KCNH1: variants seen among roughly 807,000 people sequenced by gnomAD.
KCNH1 encodes the protein voltage-gated delayed rectifier potassium channel KCNH1.
In KCNH1, 27 loss-of-function variants were observed where a neutral mutation model predicts 69.2. The observed-to-expected ratio is 0.39, with a 90% CI of 0.29 to 0.54. KCNH1 has a LOEUF of 0.54. KCNH1 is among the 20% of genes least tolerant of loss of function. The pLI, the probability that KCNH1 is intolerant of heterozygous loss-of-function variation, is 0.68. For synonymous variants in KCNH1, 456 were observed against 487.7 expected (o/e 0.93, Z 0.86); for missense variants, 798 against 1,261.6 (o/e 0.63, Z 5.57).
chr1:210,825,124 C>G (rs1685008900), intron 7 of KCNH1, among the ~76,000 whole-genome samples: 1 of 152,164 alleles, frequency 6.6e-6, no homozygotes, highest in Non-Finnish European at 1.5e-5. Context: ...TCACCTCATT[C>G]ATTTTCAAGA....
chr1:210,869,304 C>T (rs1686183335), intron 7 of KCNH1, among the ~76,000 whole-genome samples: 1 of 151,960 alleles, frequency 6.6e-6, no homozygotes, highest in Non-Finnish European at 1.5e-5. Flanking sequence ...TTATAATTTT[C>T]ATAAAATATG....
At chr1:210,741,849 T>C (rs1934631) in intron 10 of KCNH1, among the ~76,000 whole-genome samples, 144,763 of 152,280 alleles carry the variant, frequency 0.95, 68,923 homozygotes, top group East Asian at 1. Flanking sequence ...TTGACATCAG[T>C]GTGGGGATAT....
chr1:210,778,356 C>T (rs1683901898), intron 9 of KCNH1, among the ~76,000 whole-genome samples: 1 of 151,982 alleles, frequency 6.6e-6, no homozygotes, highest in South Asian at 2.1e-4. Flanking sequence ...GAGACCTTGC[C>T]TCTGCAAAAA....
chr1:210,832,921 T>TATATATATATATATATATATAC (rs10693882), intron 7 of KCNH1, among the ~76,000 whole-genome samples: 1 of 144,226 alleles, frequency 6.9e-6, no homozygotes, highest in Non-Finnish European at 1.5e-5. Flanking sequence ...TATATATATA[T>TATATATATATATATATATATAC]ACATATAAAT....
chr1:210,971,297 A>G (rs1481975015), intron 6 of KCNH1, among the ~76,000 whole-genome samples: 1 of 152,136 alleles, frequency 6.6e-6, no homozygotes, highest in Non-Finnish European at 1.5e-5. Context: ...ATATGTCTAA[A>G]TATTTTCTAA....
chr1:210,801,486 T>C (rs1159210718), intron 8 of KCNH1, among the ~76,000 whole-genome samples: 5 of 152,220 alleles, frequency 3.3e-5, no homozygotes, highest in African/African-American at 1.2e-4. Flanking sequence ...CTCTTCCATC[T>C]GGACCAGCAC....
chr1:211,102,334 T>C (rs764597260), intron 3 of KCNH1, among the ~76,000 whole-genome samples: 4 of 152,226 alleles, frequency 2.6e-5, no homozygotes, highest in Non-Finnish European at 5.9e-5. Context: ...GGTATGCTTC[T>C]GGTACGAGCT....
At chr1:210,846,362 G>T (rs1685547984) in intron 7 of KCNH1, among the ~76,000 whole-genome samples, 1 of 152,116 alleles carries the variant, frequency 6.6e-6, no homozygotes. Context: ...AAACAGCATG[G>T]TACTGGTACC....
intron 6 of KCNH1, among the ~76,000 whole-genome samples, chr1:210,969,570 C>T (rs1405576210): frequency 6.6e-6 from 1 of 151,944 alleles, no homozygotes; most frequent in East Asian, 1.9e-4. Context: ...GCTCTAAATG[C>T]TTAATTTTCT....
chr1:210,809,126 T>C (rs1206297976), intron 7 of KCNH1, among the ~76,000 whole-genome samples: 2 of 152,042 alleles, frequency 1.3e-5, no homozygotes, highest in Admixed American at 1.3e-4. Context: ...AAAGATAGTA[T>C]TCTCCAGCCC....
At chr1:211,070,431 AC>A (rs750324151) in intron 5 of KCNH1, among the ~76,000 whole-genome samples, 985 of 79,712 alleles carry the variant, frequency 0.012, 32 homozygotes, top group Admixed American at 0.094. Flanking sequence ...AAAAAAAAAA[AC>A]ACACACACAC....
chr1:210,988,026 C>T (rs1391592142), intron 6 of KCNH1, among the ~76,000 whole-genome samples: 1 of 152,212 alleles, frequency 6.6e-6, no homozygotes, highest in Non-Finnish European at 1.5e-5. Flanking sequence ...GCAGTTTGAT[C>T]TCAGACTGCT....
chr1:210,889,814 TA>T (rs1458706102), intron 7 of KCNH1, among the ~76,000 whole-genome samples: 1 of 151,956 alleles, frequency 6.6e-6, no homozygotes, highest in African/African-American at 2.4e-5. Context: ...GAGAATAAAA[TA>T]CCTAGGAATA....
At chr1:210,719,176 T>A (rs936472372) in intron 10 of KCNH1, among the ~76,000 whole-genome samples, 6 of 152,166 alleles carry the variant, frequency 3.9e-5, no homozygotes, top group African/African-American at 1.4e-4. Flanking sequence ...ATTAGCCATA[T>A]ATGGCTGGGG....
At chr1:210,889,037 C>A (rs1323367946) in intron 7 of KCNH1, among the ~76,000 whole-genome samples, 2 of 152,168 alleles carry the variant, frequency 1.3e-5, no homozygotes, top group Non-Finnish European at 2.9e-5. Context: ...ACAGGGACTC[C>A]TCCCTAACTC....
At chr1:210,754,088 T>G (rs1388006711) in intron 10 of KCNH1, among the ~76,000 whole-genome samples, 2 of 151,894 alleles carry the variant, frequency 1.3e-5, no homozygotes, top group African/African-American at 4.8e-5. Context: ...CTAATTTTTT[T>G]TTTTGTATTT....
At chr1:210,898,681 C>CGGGG (rs35054693) in intron 7 of KCNH1, among the ~76,000 whole-genome samples, 6 of 138,434 alleles carry the variant, frequency 4.3e-5, no homozygotes, top group African/African-American at 6.1e-5. Context: ...GGCGTGGCGG[C>CGGGG]GGGGGGGGGT....
intron 1 of KCNH1, among the ~76,000 whole-genome samples, chr1:211,124,525 T>G (rs1213492484): frequency 1.3e-5 from 2 of 151,980 alleles, no homozygotes; most frequent in Non-Finnish European, 2.9e-5. Context: ...GTGCCTGTAG[T>G]CCCAGCTGCT....
At position 210,718,649 on chromosome 1, in the gene KCNH1, TATACACAC is replaced by T. The variant is rs1209496982; in HGVS notation, c.2113-34519_2113-34512del. The stretch of plus-strand genomic sequence containing the variant: ...GTATAAATATATATATACATATATA[TATACACAC>T]ACACACACACACACACACACACACA... On this transcript the variant is annotated intron_variant, in intron 10 of 10. Transcript: ENST00000271751. Among the ~76,000 whole-genome samples the T allele has an allele frequency of 9.7e-5, 7 of 72,324 alleles. 2 individuals are homozygous for T. The highest frequency in any genetic ancestry group is 5.3e-4 in the Admixed American group (3 of 5,630). The allele number at this position is 72,324 out of a possible 152,430, so 47.4% of individuals were successfully genotyped here.
Sources: gnomAD v4.1 joint callset for allele counts (sites outside exome capture counted in the v4.1 genomes callset) on GRCh38, gnomAD v4.1.1 for gene constraint, MANE v1.5 for transcripts, NCBI Gene and HGNC (gene_info 2026-07-23, HGNC 2026-07-21) for gene names.